The following PMM2 variants were observed in gnomAD, a reference collection of about 807,000 sequenced individuals.
PMM2 encodes the protein phosphomannomutase 2, also known as mannose-6-phosphate isomerase.
In PMM2, 35 loss-of-function variants were observed where a neutral mutation model predicts 33.2. The observed-to-expected ratio is 1.06, with a 90% CI of 0.81 to 1.40. PMM2 has a LOEUF of 1.40. Among genes scored for constraint, PMM2 ranks in the 40% most tolerant of loss-of-function variants. PMM2 has a pLI of 0.00. For missense variants in PMM2, 386 were observed against 306.0 expected (o/e 1.26, Z -1.95); for synonymous variants, 153 against 114.7 (o/e 1.33, Z -2.13).
At chr16:8,829,549 A>C (rs2060798108) in intron 7 of PMM2, among the ~76,000 whole-genome samples, 1 of 152,248 alleles carries the variant, frequency 6.6e-6, no homozygotes, top group Admixed American at 6.5e-5. Flanking sequence ...CACTATGCTC[A>C]GTGCCCAGCA....
chr16:8,832,964 T>TCCCCGACCACACCACAGGC (rs1221389862), intron 7 of PMM2: 3 of 430,912 alleles, frequency 7.0e-6, no homozygotes, highest in Non-Finnish European at 2.8e-6. Context: ...ATGACTGGTC[T>TCCCCGACCACACCACAGGC]CCCCAGGGCA....
At chr16:8,819,679 A>G (rs549795006) in intron 7 of PMM2, among the ~76,000 whole-genome samples, 1 of 150,338 alleles carries the variant, frequency 6.7e-6, no homozygotes, top group African/African-American at 2.4e-5. Flanking sequence ...TAGGCAACAG[A>G]GCGAGACCTC....
In PMM2 at chr16:8,848,287, G is replaced by A. The variant is rs560497720; in HGVS notation, c.*462G>A. The A allele has an allele frequency of 5.1e-5, 10 of 196,084 alleles. No individual in the cohort carries two copies. In the South Asian group the frequency reaches 8.9e-4, roughly 17 times the overall value. The allele number at this position is 196,084 out of a possible 1,614,324, so 12.1% of individuals were successfully genotyped here. On this transcript the variant is annotated 3_prime_UTR_variant, in exon 8 of 8. Transcript: ENST00000268261. ...GAAACCAGGACAGGCCATCTGCAGT[G>A]ACCCAGCCCAGGACGAAGTTTACAA...
intron 7 of PMM2, chr16:8,832,952 T>C (rs1287732859): frequency 5.2e-5 from 31 of 597,938 alleles, no homozygotes; most frequent in Non-Finnish European, 5.8e-5. Context: ...AGCTGTCTGT[T>C]GATGACTGGT....
chr16:8,836,508 C>G lies in PMM2; in HGVS notation c.640-11216C>G, dbSNP rs535602555. On this transcript the variant is annotated intron_variant, in intron 7 of 7. Transcript: ENST00000268261. Reference sequence around the variant, plus strand: ...CCTGGGGGAGGAGGTTCTGGAGGAACGCCTGGCTGCTGCGGTTCAGGCGTT... The same window carrying G: ...CCTGGGGGAGGAGGTTCTGGAGGAAGGCCTGGCTGCTGCGGTTCAGGCGTT... Among the ~76,000 whole-genome samples, 6 of 152,038 alleles carry G rather than the reference C, an allele frequency of 3.9e-5. No homozygotes were observed. In the South Asian group the frequency reaches 1.2e-3, roughly 32 times the overall value.
chr16:8,832,766 T>A (rs553577663), intron 7 of PMM2: 1 of 984,472 alleles, frequency 1.0e-6, no homozygotes, highest in Admixed American at 6.2e-5. Flanking sequence ...TCCCAGGTGC[T>A]TACCACAATC....
chr16:8,847,296 G>C lies in PMM2; in HGVS notation c.640-428G>C, dbSNP rs1422084205. Among the ~76,000 whole-genome samples, 4 of 151,066 alleles carry C rather than the reference G, an allele frequency of 2.6e-5. No homozygotes were observed. The South Asian group carries it at 6.3e-4, about 24-fold the overall frequency. On this transcript the variant is annotated intron_variant, in intron 7 of 7. Coordinates refer to ENST00000268261, the MANE Select transcript of PMM2 (RefSeq NM_000303.3). The stretch of plus-strand genomic sequence containing the variant: ...GATGTCGCCACGTCCCTCATCACAG[G>C]AATATCCCTGGCAGCCCTGCTCCCG...
chr16:8,841,141 A>T (rs907167016), intron 7 of PMM2, among the ~76,000 whole-genome samples: 5,381 of 149,080 alleles, frequency 0.036, 179 homozygotes, highest in Middle Eastern at 0.11. Context: ...TTAAAAGACC[A>T]TTAGTCCGTT....
intron 7 of PMM2, among the ~76,000 whole-genome samples, chr16:8,819,690 G>A (rs1256464050): frequency 3.2e-5 from 4 of 126,270 alleles, no homozygotes; most frequent in Non-Finnish European, 6.7e-5. Flanking sequence ...GCGAGACCTC[G>A]TCTCTTAAAA....
intron 7 of PMM2, among the ~76,000 whole-genome samples, chr16:8,828,404 G>T (rs1200790587): frequency 6.6e-6 from 1 of 152,082 alleles, no homozygotes; most frequent in Non-Finnish European, 1.5e-5. Context: ...CCAGACCCAG[G>T]CTACCACTGT....
At chr16:8,818,097 G>T (rs1205413037) in intron 7 of PMM2, among the ~76,000 whole-genome samples, 1 of 151,940 alleles carries the variant, frequency 6.6e-6, no homozygotes, top group Non-Finnish European at 1.5e-5. Flanking sequence ...TAGAGATGGG[G>T]TTCACCATGT....
chr16:8,806,508 A>G (rs547854562), intron 4 of PMM2, 101 bp downstream of exon 4: 4 of 802,968 alleles, frequency 5.0e-6, no homozygotes, highest in East Asian at 5.1e-5. Flanking sequence ...AAAATCACCT[A>G]AAGAGTTTTA....
At chr16:8,832,344 C>T (rs1421961504) in intron 7 of PMM2, 24 of 985,292 alleles carry the variant, frequency 2.4e-5, no homozygotes, top group East Asian at 1.1e-4. Context: ...CAGCCAGGGT[C>T]GGGAGGATTT....
chr16:8,823,454 T>TA (rs1474398619), intron 7 of PMM2, among the ~76,000 whole-genome samples: 1 of 152,186 alleles, frequency 6.6e-6, no homozygotes, highest in Non-Finnish European at 1.5e-5. Context: ...TTGAAACACT[T>TA]TTTTCCCTCT....
chr16:8,804,642 T>G, intron 2 of PMM2, 125 bp from the exon 3 acceptor site: 123 of 717,946 alleles, frequency 1.7e-4, no homozygotes, highest in Non-Finnish European at 2.5e-4. Context: ...GTCTGTAAGA[T>G]GAGATAGTCT....
chr16:8,804,845 T>C lies in PMM2; in HGVS notation c.255+2T>C, dbSNP rs139716296. On this transcript the variant is annotated splice_donor_variant, in intron 3 of 7. Transcript: ENST00000268261. LOFTEE classifies it high-confidence loss of function. Reference sequence around the variant, plus strand: ...GATGGGAAACTCTTGTGTAGACAGGTAGGTTCTTGAGTATCTGAATTACTA... The same window carrying C: ...GATGGGAAACTCTTGTGTAGACAGGCAGGTTCTTGAGTATCTGAATTACTA... The C allele has an allele frequency of 9.1e-5, 145 of 1,591,626 alleles. No homozygotes were observed. Among genetic ancestry groups the C allele is most frequent in the Non-Finnish European group, 1.1e-4 (132 of 1,159,736 alleles).
intron 7 of PMM2, among the ~76,000 whole-genome samples, chr16:8,846,678 C>T (rs911789126): frequency 6.6e-6 from 1 of 152,046 alleles, no homozygotes; most frequent in African/African-American, 2.4e-5. Context: ...AAGGTGTGAC[C>T]CCAACCATCA....
At chr16:8,798,321 G>A (rs771300029) in intron 1 of PMM2, among the ~76,000 whole-genome samples, 22 of 152,152 alleles carry the variant, frequency 1.4e-4, no homozygotes, top group Non-Finnish European at 2.8e-4. Flanking sequence ...GGGCTGTGCC[G>A]TGAGTCATGA....
chr16:8,806,277 C>G lies in PMM2; in HGVS notation c.256-39C>G, dbSNP rs766115067. The stretch of plus-strand genomic sequence containing the variant: ...GCTATGAAGCTGTTTTGAAAATGCT[C>G]CTGCTAAATCAAGTAACTCAAGTAT... On this transcript the variant is annotated intron_variant, in intron 3 of 7. Transcript: ENST00000268261. 1.0e-5 allele frequency: 14 copies of G among 1,340,224 alleles called. No individual in the cohort carries two copies. In the East Asian group the frequency reaches 3.2e-4, roughly 31 times the overall value. The allele number at this position is 1,340,224 out of a possible 1,614,324, so 83.0% of individuals were successfully genotyped here.
Sources: allele counts gnomAD v4.1 joint callset (sites outside exome capture counted in the v4.1 genomes callset), GRCh38; gene constraint gnomAD v4.1.1; transcripts MANE v1.5; gene names NCBI Gene and HGNC (gene_info 2026-07-23, HGNC 2026-07-21).